The following EXOC4 variants were observed in gnomAD, a reference collection of about 807,000 sequenced individuals.
EXOC4 encodes exocyst complex component 4, also known as SEC8-like 1.
Under a neutral mutation model 107.2 loss-of-function variants are expected in EXOC4, and 71 were observed. The ratio of observed to expected loss-of-function variants is 0.66; its 90% CI spans 0.55 to 0.81. The LOEUF is 0.81. Among genes scored for constraint, EXOC4 ranks in the 30% least tolerant of loss-of-function variants. The pLI is 0.00. For synonymous variants in EXOC4, 456 were observed against 441.2 expected (o/e 1.03, Z -0.42); for missense variants, 1,108 against 1,189.6 (o/e 0.93, Z 1.01).
chr7:133,987,515 G>T (rs1585302618), intron 14 of EXOC4, among the ~76,000 whole-genome samples: 1 of 152,012 alleles, frequency 6.6e-6, no homozygotes, highest in East Asian at 1.9e-4. Context: ...AAGAGGAAAG[G>T]AAAGAACTTA....
intron 11 of EXOC4, among the ~76,000 whole-genome samples, chr7:133,876,556 T>G (rs149890248): frequency 2.6e-5 from 4 of 152,186 alleles, no homozygotes; most frequent in African/African-American, 9.6e-5. Context: ...TCTACTTCTT[T>G]TTTTCTCTGT....
At chr7:133,453,135 A>T (rs1361933342) in intron 7 of EXOC4, among the ~76,000 whole-genome samples, 1 of 152,236 alleles carries the variant, frequency 6.6e-6, no homozygotes, top group Non-Finnish European at 1.5e-5. Flanking sequence ...GAATATAAAA[A>T]TCGCTGTGAA....
intron 11 of EXOC4, among the ~76,000 whole-genome samples, chr7:133,837,470 T>A (rs1001711813): frequency 4.6e-5 from 7 of 152,188 alleles, no homozygotes; most frequent in African/African-American, 1.7e-4. Context: ...AGGTTTAAAT[T>A]TTCTGTGGCA....
At chr7:133,317,984 GT>G (rs1795030478) in intron 5 of EXOC4, among the ~76,000 whole-genome samples, 1 of 152,162 alleles carries the variant, frequency 6.6e-6, no homozygotes, top group South Asian at 2.1e-4. Context: ...CTAAAGTTGA[GT>G]TTGGATGCTT....
intron 14 of EXOC4, among the ~76,000 whole-genome samples, chr7:133,988,918 C>G (rs976345694): frequency 1.3e-5 from 2 of 152,078 alleles, no homozygotes; most frequent in African/African-American, 4.8e-5. Flanking sequence ...TTGGGAAACA[C>G]TGATGTTATT....
At chr7:133,552,269 G>A (rs1276950766) in intron 9 of EXOC4, among the ~76,000 whole-genome samples, 1 of 152,086 alleles carries the variant, frequency 6.6e-6, no homozygotes, top group East Asian at 1.9e-4. Flanking sequence ...AGAGTTATTG[G>A]TTTATGTGTC....
intron 10 of EXOC4, among the ~76,000 whole-genome samples, chr7:133,794,966 C>G (rs1323822121): frequency 6.6e-6 from 1 of 151,680 alleles, no homozygotes; most frequent in African/African-American, 2.4e-5. Flanking sequence ...CAACAGGCCC[C>G]GGTGTGTGAT....
intron 11 of EXOC4, among the ~76,000 whole-genome samples, chr7:133,875,393 G>C (rs1798827255): frequency 1.3e-5 from 2 of 152,176 alleles, no homozygotes; most frequent in Admixed American, 6.5e-5. Flanking sequence ...GCCTGTACCT[G>C]TATGACAATC....
At chr7:133,530,528 C>A in intron 9 of EXOC4, among the ~76,000 whole-genome samples, 1 of 152,088 alleles carries the variant, frequency 6.6e-6, no homozygotes, top group East Asian at 1.9e-4. Context: ...AGTAAAAATA[C>A]CATAGTATAA....
chr7:133,425,072 C>G (rs1240847685), intron 7 of EXOC4, among the ~76,000 whole-genome samples: 2 of 150,070 alleles, frequency 1.3e-5, no homozygotes, highest in African/African-American at 2.5e-5. Flanking sequence ...GGCATGGACT[C>G]CATGAACTGC....
At chr7:133,637,178 C>T (rs1189657073) in intron 10 of EXOC4, among the ~76,000 whole-genome samples, 1 of 152,098 alleles carries the variant, frequency 6.6e-6, no homozygotes, top group Non-Finnish European at 1.5e-5. Context: ...TTTCTGTTTC[C>T]AAAAGTGACA....
At chr7:133,553,123 G>C (rs1800623273) in intron 9 of EXOC4, among the ~76,000 whole-genome samples, 1 of 152,100 alleles carries the variant, frequency 6.6e-6, no homozygotes, top group Admixed American at 6.6e-5. Flanking sequence ...GGTAGGGGTA[G>C]TATTATATAT....
chr7:133,862,115 A>C (rs1022080616), intron 11 of EXOC4, among the ~76,000 whole-genome samples: 1 of 151,306 alleles, frequency 6.6e-6, no homozygotes, highest in African/African-American at 2.4e-5. Flanking sequence ...CGTAAGATTT[A>C]TATCAGCACT....
At chr7:133,548,865 A>G (rs1219373003) in intron 9 of EXOC4, among the ~76,000 whole-genome samples, 1 of 152,188 alleles carries the variant, frequency 6.6e-6, no homozygotes. Context: ...TTCTTGGTTC[A>G]CTAGAGTAGC....
At chr7:133,518,690 T>G (rs527371524) in intron 9 of EXOC4, among the ~76,000 whole-genome samples, 3 of 152,194 alleles carry the variant, frequency 2.0e-5, no homozygotes, top group African/African-American at 7.2e-5. Flanking sequence ...TAACACATGC[T>G]ACAACATGGA....
intron 10 of EXOC4, among the ~76,000 whole-genome samples, chr7:133,810,755 C>A (rs747336026): frequency 1.3e-5 from 2 of 151,972 alleles, no homozygotes; most frequent in African/African-American, 4.8e-5. Context: ...GCTTGTTTCC[C>A]GAGTAGCTGG....
chr7:133,904,946 G>A (rs771962442), intron 12 of EXOC4, among the ~76,000 whole-genome samples: 1 of 152,112 alleles, frequency 6.6e-6, no homozygotes, highest in East Asian at 1.9e-4. Context: ...TAATTTGGAC[G>A]GCCAAATCCT....
At chr7:133,751,806 C>T (rs890881665) in intron 10 of EXOC4, among the ~76,000 whole-genome samples, 1 of 151,760 alleles carries the variant, frequency 6.6e-6, no homozygotes, top group Non-Finnish European at 1.5e-5. Context: ...TCACTTGGAA[C>T]GGCTACTCTA....
intron 7 of EXOC4, among the ~76,000 whole-genome samples, chr7:133,465,451 A>AT (rs1373339326): frequency 2.0e-5 from 3 of 152,156 alleles, no homozygotes; most frequent in African/African-American, 4.8e-5. Flanking sequence ...ATGGTTGGTG[A>AT]TTTTTTAAAT....
Sources: allele counts gnomAD v4.1 joint callset (sites outside exome capture counted in the v4.1 genomes callset), GRCh38; gene constraint gnomAD v4.1.1; transcripts MANE v1.5; gene names NCBI Gene and HGNC (gene_info 2026-07-23, HGNC 2026-07-21).